WBP2NL: variants seen among roughly 807,000 people sequenced by gnomAD.
WBP2NL encodes the protein postacrosomal sheath WW domain-binding protein.
WBP2NL carries 27 observed loss-of-function variants against 23.3 expected under a neutral mutation model. That is an observed-to-expected ratio of 1.16 (90% CI 0.85 to 1.60). The LOEUF is 1.60. Among genes scored for constraint, WBP2NL ranks in the 40% most tolerant of loss-of-function variants. The probability of loss-of-function intolerance (pLI) is 0.00; values close to 1 mark genes in which losing one functional copy is unlikely to be tolerated. For synonymous variants in WBP2NL, 151 were observed against 145.9 expected, an observed-to-expected ratio of 1.03 and a Z score of -0.25; for missense variants, 370 against 389.5, an observed-to-expected ratio of 0.95 and a Z score of 0.42.
At chr22:42,008,362 A>G (rs1301379253) in intron 1 of WBP2NL, among the ~76,000 whole-genome samples, 3 of 151,642 alleles carry the variant, frequency 2.0e-5, no homozygotes, top group Non-Finnish European at 2.9e-5. Flanking sequence ...AGCATATGCC[A>G]CTACACCCAG....
intron 1 of WBP2NL, among the ~76,000 whole-genome samples, chr22:42,016,545 T>C (rs1923326740): frequency 6.6e-6 from 1 of 152,226 alleles, no homozygotes; most frequent in Non-Finnish European, 1.5e-5. Context: ...TTACTGAGAT[T>C]TGGCTTTTTA....
At chr22:42,045,408 C>T (rs6002586) in intron 8 of WBP2NL, among the ~76,000 whole-genome samples, 45,092 of 151,882 alleles carry the variant, frequency 0.3, 6,901 homozygotes, top group Middle Eastern at 0.43. Context: ...CCAGCCTGGG[C>T]GACAGAGCGA....
At chr22:41,998,997 T>A in intron 1 of WBP2NL, 117 bp downstream of exon 1, 2 of 1,228,018 alleles carry the variant, frequency 1.6e-6, no homozygotes, top group Non-Finnish European at 1.1e-6. Flanking sequence ...GGCGCGGCGC[T>A]CTTAGCTCCG....
chr22:42,022,065 G>C (rs948152050), intron 4 of WBP2NL, among the ~76,000 whole-genome samples, 184 bp from the exon 5 acceptor site: 65 of 152,232 alleles, frequency 4.3e-4, no homozygotes, highest in African/African-American at 1.5e-3. Flanking sequence ...CTCCTAAAAT[G>C]TTGGGATTAC....
chr22:42,001,842 C>T, intron 1 of WBP2NL: 1 of 1,360,890 alleles, frequency 7.3e-7, no homozygotes, highest in South Asian at 1.4e-5. Context: ...GATCTGCTTG[C>T]TGGCATGCTG....
At chr22:42,043,175 G>C (rs892698877) in intron 8 of WBP2NL, among the ~76,000 whole-genome samples, 15 of 152,164 alleles carry the variant, frequency 9.9e-5, no homozygotes, top group Non-Finnish European at 7.4e-5. Context: ...CACAAAGTGT[G>C]GGGGCATGTG....
At chr22:42,039,571 C>T (rs1925324646) in intron 8 of WBP2NL, among the ~76,000 whole-genome samples, 1 of 152,048 alleles carries the variant, frequency 6.6e-6, no homozygotes, top group African/African-American at 2.4e-5. Context: ...TTGATTCGGT[C>T]TTGGTAGTGT....
chr22:42,046,116 T>C (rs1173098536), intron 8 of WBP2NL, among the ~76,000 whole-genome samples: 2 of 152,200 alleles, frequency 1.3e-5, no homozygotes, highest in Admixed American at 1.3e-4. Flanking sequence ...AAATGGTACA[T>C]CCATAATCAA....
intron 1 of WBP2NL, chr22:42,001,214 T>C (rs1360879946): frequency 1.5e-5 from 11 of 725,718 alleles, no homozygotes; most frequent in South Asian, 4.5e-5. Context: ...TGTGCCTGTG[T>C]ACATGATGTC....
chr22:42,044,540 T>C (rs1200507754), intron 8 of WBP2NL, among the ~76,000 whole-genome samples: 1 of 152,238 alleles, frequency 6.6e-6, no homozygotes, highest in African/African-American at 2.4e-5. Context: ...CAGTGGCTCA[T>C]GCCTGTAATC....
chr22:42,030,332 G>T (rs1226292616), downstream of WBP2NL, among the ~76,000 whole-genome samples: 3 of 152,200 alleles, frequency 2.0e-5, no homozygotes, highest in African/African-American at 4.8e-5. Flanking sequence ...CAAAAATGAA[G>T]ACAAGTCAAA....
chr22:42,004,467 G>A (rs1233440455), intron 1 of WBP2NL, among the ~76,000 whole-genome samples: 5 of 152,088 alleles, frequency 3.3e-5, no homozygotes, highest in Non-Finnish European at 5.9e-5. Context: ...GGTGGCATGT[G>A]CCTGTAGTCC....
intron 1 of WBP2NL, among the ~76,000 whole-genome samples, chr22:41,999,936 G>A (rs1921434872): frequency 6.6e-6 from 1 of 152,098 alleles, no homozygotes; most frequent in Non-Finnish European, 1.5e-5. Context: ...CCACCTTCAA[G>A]CACACTTGTT....
downstream of WBP2NL, chr22:42,032,658 A>G: frequency 2.4e-6 from 1 of 409,614 alleles, no homozygotes. Context: ...TAGGAAGTGA[A>G]ACGTATGATA....
downstream of WBP2NL, among the ~76,000 whole-genome samples, chr22:42,035,101 T>G (rs115452640): frequency 0.051 from 7,738 of 152,366 alleles, 686 homozygotes; most frequent in African/African-American, 0.18. Flanking sequence ...AAGTGTCCAT[T>G]AAATCTTTAC....
intron 1 of WBP2NL, among the ~76,000 whole-genome samples, chr22:42,003,680 T>G (rs1216831755): frequency 6.6e-6 from 1 of 152,026 alleles, no homozygotes; most frequent in Admixed American, 6.6e-5. Context: ...TCATGGAAAA[T>G]ATGGGTTGCG....
At chr22:42,032,914 C>T (rs1328583037), downstream of WBP2NL, 3 of 208,864 alleles carry the variant, frequency 1.4e-5, no homozygotes, top group African/African-American at 4.7e-5. Context: ...AATAATAAAA[C>T]AGGGTATTAA....
chr22:42,008,780 TTTA>T (rs1320979699), intron 1 of WBP2NL, among the ~76,000 whole-genome samples: 3 of 151,334 alleles, frequency 2.0e-5, no homozygotes, highest in African/African-American at 7.3e-5. Flanking sequence ...GCTAATTTTT[TTTA>T]TTATTTTTTT....
chr22:41,999,051 A>C (rs1356903747), intron 1 of WBP2NL, among the ~76,000 whole-genome samples, 171 bp downstream of exon 1: 1 of 131,898 alleles, frequency 7.6e-6, no homozygotes, highest in Non-Finnish European at 1.6e-5. Flanking sequence ...GTGTTCCGGC[A>C]TGTGGAGGTG....
Sources: allele counts gnomAD v4.1 joint callset (sites outside exome capture counted in the v4.1 genomes callset), GRCh38; gene constraint gnomAD v4.1.1; transcripts MANE v1.5; gene names NCBI Gene and HGNC (gene_info 2026-07-23, HGNC 2026-07-21).